The following SOX6 variants were observed in gnomAD, a reference collection of about 807,000 sequenced individuals.
SOX6 encodes the protein transcription factor SOX-6.
SOX6 carries 11 observed loss-of-function variants against 97.8 expected under a neutral mutation model. That is an observed-to-expected ratio of 0.11 (90% CI 0.07 to 0.19). SOX6 has a LOEUF of 0.19. SOX6 is among the 10% of genes least tolerant of loss of function. The probability of loss-of-function intolerance (pLI) is 1.00; values close to 1 mark genes in which losing one functional copy is unlikely to be tolerated. For missense variants in SOX6, 810 were observed against 1,039.5 expected (o/e 0.78, Z 3.04); for synonymous variants, 360 against 371.4 (o/e 0.97, Z 0.35).
intron 4 of SOX6, among the ~76,000 whole-genome samples, chr11:16,224,931 A>T (rs1318552039): frequency 6.6e-6 from 1 of 152,072 alleles, no homozygotes; most frequent in Non-Finnish European, 1.5e-5. Flanking sequence ...TGGATTACAC[A>T]AAACACAAAG....
intron 1 of SOX6, among the ~76,000 whole-genome samples, chr11:16,444,020 A>AG (rs938409154): frequency 1.3e-5 from 2 of 151,856 alleles, no homozygotes; most frequent in Admixed American, 1.3e-4. Flanking sequence ...TCAAAAAAAA[A>AG]AAAAAAAAAA....
chr11:16,663,923 T>G (rs1847785597), intron 3 of SOX6, among the ~76,000 whole-genome samples: 1 of 152,184 alleles, frequency 6.6e-6, no homozygotes, highest in Non-Finnish European at 1.5e-5. Flanking sequence ...TTTCAATTAT[T>G]GATTTTTATT....
At chr11:16,282,502 ACT>A (rs1854595260) in intron 3 of SOX6, among the ~76,000 whole-genome samples, 1 of 151,476 alleles carries the variant, frequency 6.6e-6, no homozygotes, top group East Asian at 1.9e-4. Context: ...ATGCAAAGTA[ACT>A]CTATCAAATT....
intron 1 of SOX6, among the ~76,000 whole-genome samples, chr11:16,378,371 T>C (rs1857704949): frequency 6.6e-6 from 1 of 152,108 alleles, no homozygotes; most frequent in African/African-American, 2.4e-5. Context: ...CAAAAGTTCA[T>C]GTGGAAAAAC....
chr11:16,381,927 T>A (rs1402537732), intron 1 of SOX6, among the ~76,000 whole-genome samples: 1 of 151,894 alleles, frequency 6.6e-6, no homozygotes, highest in Non-Finnish European at 1.5e-5. Context: ...AACAATTTGT[T>A]AAGGTAGTGG....
chr11:16,721,484 T>A (rs1453226302), intron 2 of SOX6, among the ~76,000 whole-genome samples: 1 of 145,480 alleles, frequency 6.9e-6, no homozygotes, highest in Non-Finnish European at 1.5e-5. Flanking sequence ...GTCACTGCAA[T>A]GGGTGGGTCT....
chr11:16,604,878 C>T (rs572874564), intron 4 of SOX6, among the ~76,000 whole-genome samples: 1 of 152,360 alleles, frequency 6.6e-6, no homozygotes, highest in East Asian at 1.9e-4. Context: ...CTGCTCCGAA[C>T]ACACCAATTC....
intron 4 of SOX6, among the ~76,000 whole-genome samples, chr11:16,193,487 ATT>A: frequency 6.6e-6 from 1 of 152,328 alleles, no homozygotes; most frequent in East Asian, 1.9e-4. Flanking sequence ...TTAAAATGAG[ATT>A]TAAACCTAGA....
At chr11:16,546,111 CA>C (rs77740767) in intron 4 of SOX6, among the ~76,000 whole-genome samples, 3 of 149,528 alleles carry the variant, frequency 2.0e-5, no homozygotes, top group African/African-American at 2.5e-5. Flanking sequence ...AAAGCAACAA[CA>C]AAAAAAAATA....
At chr11:16,038,192 G>C (rs1855566278) in intron 12 of SOX6, among the ~76,000 whole-genome samples, 1 of 152,130 alleles carries the variant, frequency 6.6e-6, no homozygotes, top group African/African-American at 2.4e-5. Context: ...TTTTATATAA[G>C]AGTCTTGAGC....
chr11:16,699,244 A>T (rs950015489), intron 3 of SOX6, among the ~76,000 whole-genome samples: 2 of 152,062 alleles, frequency 1.3e-5, no homozygotes, highest in Non-Finnish European at 2.9e-5. Flanking sequence ...TAGGAATTGG[A>T]TATTACTATA....
intron 3 of SOX6, among the ~76,000 whole-genome samples, chr11:16,258,241 AC>A (rs1171395768): frequency 6.6e-6 from 1 of 151,998 alleles, no homozygotes; most frequent in Non-Finnish European, 1.5e-5. Context: ...TTATGTCCAC[AC>A]AAAAACCTAC....
At chr11:16,132,384 AAGAAAGAAAG>A (rs1849798875) in intron 6 of SOX6, among the ~76,000 whole-genome samples, 1 of 99,832 alleles carries the variant, frequency 1.0e-5, no homozygotes. Context: ...GAAAGAAAGA[AAGAAAGAAAG>A]AAAGAAAAAA....
chr11:16,608,763 TAAAAC>T (rs1165568444), intron 4 of SOX6, among the ~76,000 whole-genome samples: 1 of 152,164 alleles, frequency 6.6e-6, no homozygotes, highest in Non-Finnish European at 1.5e-5. Flanking sequence ...CGGCAATAAA[TAAAAC>T]AATTCCACAA....
chr11:16,112,263 A>G (rs1849249662), intron 6 of SOX6, among the ~76,000 whole-genome samples: 2 of 152,262 alleles, frequency 1.3e-5, no homozygotes, highest in Middle Eastern at 3.4e-3. Context: ...AGCACTGTAC[A>G]ATGTTGAGAG....
At chr11:16,624,169 A>ATTT (rs1848588699) in intron 3 of SOX6, among the ~76,000 whole-genome samples, 2 of 80,136 alleles carry the variant, frequency 2.5e-5, no homozygotes, top group African/African-American at 8.7e-5. Flanking sequence ...TCAGTGAAAG[A>ATTT]TTTTTATTTT....
intron 4 of SOX6, among the ~76,000 whole-genome samples, chr11:16,514,978 G>C (rs1035429012): frequency 6.6e-6 from 1 of 151,820 alleles, no homozygotes; most frequent in African/African-American, 2.4e-5. Context: ...CCAAGTCTTT[G>C]CTATTGTGAA....
chr11:16,583,636 T>TATATATATATATATAC (rs1385821722), intron 4 of SOX6, among the ~76,000 whole-genome samples: 2 of 87,102 alleles, frequency 2.3e-5, no homozygotes, highest in East Asian at 5.6e-4. Flanking sequence ...TATATATATA[T>TATATATATATATATAC]ACACATACAC....
At chr11:16,196,284 C>A (rs1482351525) in intron 4 of SOX6, among the ~76,000 whole-genome samples, 1 of 152,156 alleles carries the variant, frequency 6.6e-6, no homozygotes, top group East Asian at 1.9e-4. Flanking sequence ...GCTATTAAAT[C>A]ATATATCTGA....
Sources: gnomAD v4.1 joint callset for allele counts (sites outside exome capture counted in the v4.1 genomes callset) on GRCh38, gnomAD v4.1.1 for gene constraint, MANE v1.5 for transcripts, NCBI Gene and HGNC (gene_info 2026-07-23, HGNC 2026-07-21) for gene names.